The following HEMK2 variants were observed in gnomAD, a reference collection of about 807,000 sequenced individuals.
HEMK2 encodes methyltransferase HEMK2.
chr21:28,632,444 C>A, the HEMK2 span, among the ~76,000 whole-genome samples: 1 of 152,126 alleles, frequency 6.6e-6, no homozygotes, highest in Non-Finnish European at 1.5e-5. Context: ...TGCATTTTAA[C>A]CTTTTATAAT....
the HEMK2 span, among the ~76,000 whole-genome samples, chr21:28,604,427 G>A: frequency 6.6e-6 from 1 of 151,996 alleles, no homozygotes; most frequent in South Asian, 2.1e-4. Context: ...AAAGAAAAGA[G>A]GACCCTTCAA....
At chr21:28,771,144 T>C in the HEMK2 span, among the ~76,000 whole-genome samples, 1 of 152,198 alleles carries the variant, frequency 6.6e-6, no homozygotes, top group African/African-American at 2.4e-5. Flanking sequence ...GGCAAGGATA[T>C]TGAGACACAG....
chr21:28,600,505 T>A, the HEMK2 span, among the ~76,000 whole-genome samples: 1 of 152,232 alleles, frequency 6.6e-6, no homozygotes, highest in African/African-American at 2.4e-5. Flanking sequence ...AAACCTTTTT[T>A]TCTTCCAAGC....
the HEMK2 span, among the ~76,000 whole-genome samples, chr21:28,789,116 T>A: frequency 6.6e-6 from 1 of 151,230 alleles, no homozygotes; most frequent in African/African-American, 2.4e-5. Flanking sequence ...GTTTTAAGTT[T>A]AAAAAAAAAG....
the HEMK2 span, among the ~76,000 whole-genome samples, chr21:28,751,234 G>GAAAAAAAAAAAAA: frequency 2.4e-5 from 3 of 125,392 alleles, no homozygotes; most frequent in African/African-American, 6.1e-5. Context: ...CTGTCTCAAT[G>GAAAAAAAAAAAAA]AAAAAAAAAA....
chr21:28,757,878 G>A, the HEMK2 span, among the ~76,000 whole-genome samples: 2 of 152,148 alleles, frequency 1.3e-5, no homozygotes, highest in Non-Finnish European at 2.9e-5. Flanking sequence ...TGCAACCAGA[G>A]GAAATACAGC....
the HEMK2 span, among the ~76,000 whole-genome samples, chr21:28,668,516 A>T: frequency 6.6e-6 from 1 of 152,314 alleles, no homozygotes; most frequent in South Asian, 2.1e-4. Context: ...CAACGACATA[A>T]ACAAATTGAA....
chr21:28,770,133 T>C, the HEMK2 span, among the ~76,000 whole-genome samples: 1 of 152,146 alleles, frequency 6.6e-6, no homozygotes, highest in African/African-American at 2.4e-5. Flanking sequence ...GTTGAATTTG[T>C]AAGTTGTATT....
chr21:28,620,568 T>A, the HEMK2 span, among the ~76,000 whole-genome samples: 1 of 151,978 alleles, frequency 6.6e-6, no homozygotes, highest in African/African-American at 2.4e-5. Flanking sequence ...GTGTTTATAG[T>A]ATTCTCTAAT....
chr21:28,755,211 C>A, the HEMK2 span, among the ~76,000 whole-genome samples: 1 of 152,096 alleles, frequency 6.6e-6, no homozygotes, highest in Non-Finnish European at 1.5e-5. Flanking sequence ...TACTACAGTG[C>A]GGTAGACTCT....
the HEMK2 span, among the ~76,000 whole-genome samples, chr21:28,729,266 T>G: frequency 3.9e-4 from 60 of 152,328 alleles, no homozygotes; most frequent in African/African-American, 1.4e-3. Context: ...TGGCTTTGCA[T>G]GCACTTGAGA....
At chr21:28,804,562 C>A in the HEMK2 span, among the ~76,000 whole-genome samples, 1 of 152,014 alleles carries the variant, frequency 6.6e-6, no homozygotes, top group Non-Finnish European at 1.5e-5. Context: ...TAGGGAGACC[C>A]CATCTCTACA....
At chr21:28,864,913 T>TATAGATAGATAGATAG in the HEMK2 span, among the ~76,000 whole-genome samples, 60,403 of 144,324 alleles carry the variant, frequency 0.42, 14,232 homozygotes, top group South Asian at 0.54. Flanking sequence ...AGATAGATGA[T>TATAGATAGATAGATAG]ATAGATAGAT....
chr21:28,826,759 GA>G, the HEMK2 span, among the ~76,000 whole-genome samples: 1 of 152,176 alleles, frequency 6.6e-6, no homozygotes, highest in Admixed American at 6.5e-5. Flanking sequence ...TGCTTATGTA[GA>G]AATAATCTTC....
At chr21:28,772,960 G>A in the HEMK2 span, among the ~76,000 whole-genome samples, 4 of 152,216 alleles carry the variant, frequency 2.6e-5, no homozygotes, top group East Asian at 1.9e-4. Context: ...ATCCAATAAC[G>A]ATTGATTAAA....
At chr21:28,672,036 A>C in the HEMK2 span, among the ~76,000 whole-genome samples, 65 of 152,290 alleles carry the variant, frequency 4.3e-4, no homozygotes, top group African/African-American at 1.4e-3. Context: ...GGCAAGTTTA[A>C]AGTACACGTT....
the HEMK2 span, among the ~76,000 whole-genome samples, chr21:28,840,999 A>ATTATATATATAATATATAAATAAATATTG: frequency 1.2e-5 from 1 of 84,370 alleles, no homozygotes; most frequent in Admixed American, 2.2e-4. Context: ...AGATACATAT[A>ATTATATATATAATATATAAATAAATATTG]TATATTATAT....
chr21:28,884,694 T>TA, the HEMK2 span, among the ~76,000 whole-genome samples: 1 of 152,202 alleles, frequency 6.6e-6, no homozygotes, highest in South Asian at 2.1e-4. Flanking sequence ...TAGCCACATG[T>TA]GAGGACTGGC....
At chr21:28,710,227 G>C in the HEMK2 span, among the ~76,000 whole-genome samples, 2 of 152,322 alleles carry the variant, frequency 1.3e-5, no homozygotes, top group African/African-American at 2.4e-5. Flanking sequence ...CCAACACGAA[G>C]TGGTTAGAAG....
Sources: allele counts gnomAD v4.1 joint callset (sites outside exome capture counted in the v4.1 genomes callset), GRCh38; gene constraint gnomAD v4.1.1; transcripts MANE v1.5; gene names NCBI Gene and HGNC (gene_info 2026-07-23, HGNC 2026-07-21).